The following NEK6 variants were observed in gnomAD, a reference collection of about 807,000 sequenced individuals.
The protein encoded by NEK6 is serine/threonine-protein kinase Nek6.
Under a neutral mutation model 43.5 loss-of-function variants are expected in NEK6, and 27 were observed. The ratio of observed to expected loss-of-function variants is 0.62; its 90% confidence interval spans 0.46 to 0.86. NEK6 has a LOEUF of 0.86. Among genes scored for constraint, NEK6 ranks in the 40% least tolerant of loss-of-function variants. The probability of loss-of-function intolerance (pLI) is 0.00; values close to 1 mark genes in which losing one functional copy is unlikely to be tolerated. For synonymous variants in NEK6, 167 were observed against 164.1 expected (o/e 1.02, Z -0.14); for missense variants, 318 against 414.4 (o/e 0.77, Z 2.02).
rs762820475 is a variant in NEK6 at position 124,350,880 on chromosome 9, A to G, written c.875A>G (p.Gln292Arg). The change falls in exon 10 of 10, where the codon CAG (glutamine) becomes CGG (arginine). Residue 292 changes from glutamine to arginine, a missense_variant. By Grantham distance (43) the Gln-to-Arg change is conservative. Around this residue, in one of 2 missense-constraint regions of NEK6, gnomAD observed 79 missense variants for 70.0 expected, o/e 1.13. Transcript: ENST00000320246. ...VSMCICPDPHQRPDIGYVHQV... is the reference protein window; with the variant it reads ...VSMCICPDPHRRPDIGYVHQV... The stretch of plus-strand genomic sequence containing the variant: ...ATGTGCATCTGCCCTGACCCCCACC[A>G]GAGACCTGACATCGGATACGTGCAC... 1 of 1,612,798 alleles carries G rather than the reference A, an allele frequency of 6.2e-7. No homozygotes were observed. The highest frequency in any genetic ancestry group is 2.2e-5 in the East Asian group (1 of 44,890).
At chr9:124,302,137 A>G (rs1293017144) in intron 2 of NEK6, 83 bp downstream of exon 2, 7 of 988,650 alleles carry the variant, frequency 7.1e-6, no homozygotes, top group South Asian at 4.8e-5. Context: ...CCAAACTCCT[A>G]CTGGTGGAAA....
At chr9:124,264,253 C>T (rs906502222) in intron 1 of NEK6, among the ~76,000 whole-genome samples, 2 of 152,214 alleles carry the variant, frequency 1.3e-5, no homozygotes, top group Non-Finnish European at 2.9e-5. Context: ...TCTGCCAGCT[C>T]GTCACACCCT....
At chr9:124,291,932 A>C (rs1832439980) in intron 1 of NEK6, 2 of 985,592 alleles carry the variant, frequency 2.0e-6, no homozygotes, top group Admixed American at 6.1e-5. Context: ...AGTCTTGGGA[A>C]GGGGAAGTCC....
intron 1 of NEK6, among the ~76,000 whole-genome samples, chr9:124,282,020 C>T (rs964769320): frequency 2.6e-5 from 4 of 152,232 alleles, no homozygotes; most frequent in African/African-American, 9.6e-5. Flanking sequence ...CATGGCCACA[C>T]GTGAGCCCCC....
At chr9:124,348,181 G>GTGGCAGGCC (rs1179707190) in intron 9 of NEK6, among the ~76,000 whole-genome samples, 2 of 152,224 alleles carry the variant, frequency 1.3e-5, no homozygotes, top group Non-Finnish European at 2.9e-5. Context: ...GGGGCAGGAT[G>GTGGCAGGCC]TGGCAGGCCT....
In NEK6 at chr9:124,321,453, A is replaced by G. The variant is rs1344813613; in HGVS notation, c.295-6A>G. ...TGCCCCCTTCCCTCTTTCCCTCCTC[A>G]TGCAGCAACTGAACCACCCAAATAT... is the stretch of plus-strand genomic sequence containing the variant. On this transcript the variant is annotated splice_polypyrimidine_tract_variant and splice_region_variant and intron_variant, in intron 4 of 9. Coordinates refer to ENST00000320246, the MANE Select transcript of NEK6 (RefSeq NM_014397.6). The G allele has an allele frequency of 3.1e-6, 5 of 1,596,596 alleles. No homozygotes were observed. Among genetic ancestry groups the G allele is most frequent in the African/African-American group, 2.7e-5 (2 of 74,570 alleles).
intron 4 of NEK6, among the ~76,000 whole-genome samples, chr9:124,315,267 G>T (rs147154898): frequency 1.3e-5 from 2 of 152,240 alleles, no homozygotes; most frequent in African/African-American, 4.8e-5. Flanking sequence ...CTGGAAGGCC[G>T]AAGTGAGCCT....
At position 124,353,303 on chromosome 9, in the gene NEK6, G is replaced by A. The variant is rs1830346651; in HGVS notation, c.*2356G>A. 1 of 407,770 alleles carries A rather than the reference G, an allele frequency of 2.5e-6. No individual in the cohort carries two copies. 25.3% of individuals were successfully genotyped at this position (407,770 alleles called of 1,614,324 possible). A position where few individuals can be genotyped will look rare whatever the true frequency, so the allele number is the denominator to read the frequency against. ...CTCAAGGGAGTCCACTCTGACTTCT[G>A]ACAGCAGACAGAACCTATCTGTCCT... On this transcript the variant is annotated 3_prime_UTR_variant, in exon 10 of 10. Coordinates refer to ENST00000320246, the MANE Select transcript of NEK6 (RefSeq NM_014397.6).
intron 4 of NEK6, among the ~76,000 whole-genome samples, chr9:124,315,421 T>C (rs1833766376): frequency 6.6e-6 from 1 of 152,024 alleles, no homozygotes; most frequent in Admixed American, 6.5e-5. Context: ...TGGGTGTGAG[T>C]TGTGAGTGCC....
Position 124,275,616 on chromosome 9 carries a change from C to A in NEK6, c.-30+17531C>A, listed in dbSNP as rs1831619809. ...ACCCCTGCTTGGTGCCTCCATAGCC[C>A]CTTCTGCATCTTCCCCAACATGGCC... is the stretch of plus-strand genomic sequence containing the variant. On this transcript the variant is annotated intron_variant, in intron 1 of 9. Transcript: ENST00000320246. The surrounding 1 kb of genome is among the most constrained non-coding windows in gnomAD (Gnocchi z 4.4). Among the ~76,000 whole-genome samples the A allele has an allele frequency of 6.6e-6, 1 of 152,230 alleles. No individual in the cohort carries two copies. The highest frequency in any genetic ancestry group is 2.1e-4 in the South Asian group (1 of 4,834).
At chr9:124,309,396 A>C (rs915656500) in intron 2 of NEK6, among the ~76,000 whole-genome samples, 2 of 152,122 alleles carry the variant, frequency 1.3e-5, no homozygotes, top group African/African-American at 4.8e-5. Flanking sequence ...CAGTGTTGGG[A>C]ACCCCGGCCA....
rs1043423998 is a variant in NEK6 at position 124,352,055 on chromosome 9, G to A, written c.*1108G>A. 2 of 152,772 alleles carry A rather than the reference G, an allele frequency of 1.3e-5. No homozygotes were observed. Among genetic ancestry groups the A allele is most frequent in the Middle Eastern group, 6.8e-3 (2 of 294 alleles). 9.5% of individuals were successfully genotyped at this position (152,772 alleles called of 1,614,324 possible). On this transcript the variant is annotated 3_prime_UTR_variant, in exon 10 of 10. Coordinates refer to ENST00000320246, the MANE Select transcript of NEK6 (RefSeq NM_014397.6). ...CTTGTTCCCAAACAGGATTAACTGT[G>A]AAGACTAATTTATAAATGTGAACCT...
intron 1 of NEK6, among the ~76,000 whole-genome samples, chr9:124,259,901 A>G (rs1165605481): frequency 6.6e-6 from 1 of 152,184 alleles, no homozygotes; most frequent in Non-Finnish European, 1.5e-5. Flanking sequence ...GTTTCCAGAA[A>G]TGGAGCGCCT....
intron 1 of NEK6, among the ~76,000 whole-genome samples, chr9:124,273,237 C>T (rs1017179383): frequency 1.3e-5 from 2 of 152,178 alleles, no homozygotes; most frequent in African/African-American, 4.8e-5. Flanking sequence ...CCTTATTCCA[C>T]ATCCACCTGC....
intron 1 of NEK6, among the ~76,000 whole-genome samples, chr9:124,287,013 C>T (rs534422453): frequency 1.3e-5 from 2 of 152,270 alleles, no homozygotes; most frequent in East Asian, 3.9e-4. Flanking sequence ...TTGATATGTC[C>T]ACCTGCTGCC....
rs577766115 is a variant in NEK6, at chr9:124,346,142, G to A, written c.718-1567G>A. On this transcript the variant is annotated intron_variant, in intron 8 of 9. Coordinates refer to ENST00000320246, the MANE Select transcript of NEK6 (RefSeq NM_014397.6). Reference sequence around the variant, plus strand: ...CACCCACCTGAAGGCACTTGGCCTGGCCTGGGCTCCTGGTCCCGAGGGTGC... The same window carrying A: ...CACCCACCTGAAGGCACTTGGCCTGACCTGGGCTCCTGGTCCCGAGGGTGC... 4.6e-5 allele frequency among the ~76,000 whole-genome samples: 7 copies of A among 152,310 alleles called. No homozygotes were observed. The South Asian group carries it at 1.2e-3, about 27-fold the overall frequency.
chr9:124,346,761 G>A (rs1829949045), intron 8 of NEK6, among the ~76,000 whole-genome samples: 1 of 152,194 alleles, frequency 6.6e-6, no homozygotes, highest in Non-Finnish European at 1.5e-5. Flanking sequence ...GCCCTGAGTG[G>A]TGGGGCAGCC....
chr9:124,324,401 A>G lies in NEK6; in HGVS notation c.406-1929A>G, dbSNP rs1004846304. 2.0e-5 allele frequency among the ~76,000 whole-genome samples: 3 copies of G among 152,192 alleles called. No individual in the cohort carries two copies. Among genetic ancestry groups the G allele is most frequent in the African/African-American group, 2.4e-5 (1 of 41,454 alleles). ...GCAGCCTCAAGGGCTGAGCTGCGCCATCACAGCCATGGTGCCCGAGTTATT... is the reference window on the plus strand; with the variant it reads ...GCAGCCTCAAGGGCTGAGCTGCGCCGTCACAGCCATGGTGCCCGAGTTATT... On this transcript the variant is annotated intron_variant, in intron 5 of 9. Transcript: ENST00000320246. This position sits in a 1 kb window ranked among gnomAD's most constrained non-coding sequence, Gnocchi z 5.3.
intron 7 of NEK6, among the ~76,000 whole-genome samples, chr9:124,335,619 A>G (rs1829250414): frequency 6.6e-6 from 1 of 152,252 alleles, no homozygotes; most frequent in East Asian, 1.9e-4. Context: ...CACATAGCTC[A>G]CAGGCAGGCG....
Sources: allele counts gnomAD v4.1 joint callset (sites outside exome capture counted in the v4.1 genomes callset), GRCh38; gene constraint gnomAD v4.1.1; regional missense constraint gnomAD v4.1.1; non-coding constraint Gnocchi (gnomAD v3.1); transcripts MANE v1.5; gene names NCBI Gene and HGNC (gene_info 2026-07-23, HGNC 2026-07-21).